Variants in ZBTB1 observed in about 807,000 individuals in gnomAD.
ZBTB1 encodes the protein zinc finger and BTB domain-containing protein 1.
In ZBTB1, 13 loss-of-function variants were observed where a neutral mutation model predicts 51.6. That is an observed-to-expected ratio of 0.25 (90% CI 0.16 to 0.40). ZBTB1 has a LOEUF of 0.40. ZBTB1 is among the 10% of genes least tolerant of loss of function. The pLI is 1.00. For synonymous variants in ZBTB1, 240 were observed against 282.2 expected (o/e 0.85, Z 1.50); for missense variants, 567 against 856.5 (o/e 0.66, Z 4.22).
intron 1 of ZBTB1, among the ~76,000 whole-genome samples, chr14:64,509,541 T>C (rs2079701553): frequency 6.6e-6 from 1 of 152,224 alleles, no homozygotes; most frequent in Non-Finnish European, 1.5e-5. Flanking sequence ...AGAATGAACA[T>C]GCATTTTATG....
chr14:64,504,765 C>T (rs1049183871), upstream of ZBTB1: 1 of 377,996 alleles, frequency 2.6e-6, no homozygotes, highest in Non-Finnish European at 4.7e-6. Context: ...CAGCGGAAGT[C>T]CTTTGTTGCA....
rs2079871618 is a variant in ZBTB1 at position 64,522,622 on chromosome 14, A to G, written c.1118A>G (p.Tyr373Cys). The G allele has an allele frequency of 2.5e-6, 4 of 1,614,096 alleles. No homozygotes were observed. Among genetic ancestry groups the G allele is most frequent in the South Asian group, 2.2e-5 (2 of 91,084 alleles). ...CCTGAAGAGCCATTTTATAGATACT[A>G]TGTTGAAGAAGATGTCAGCATAAAA... The part of the protein sequence containing the change: ...DEPEEPFYRY[Y>C]VEEDVSIKKS... Residue 373 changes from tyrosine to cysteine, a missense_variant, in exon 2 of 2, where the codon TAT (tyrosine) becomes TGT (cysteine). Physicochemically the swap from Tyr to Cys is radical, Grantham distance 194. Transcript: ENST00000683701.
chr14:64,517,852 C>T (rs561279393), intron 1 of ZBTB1, among the ~76,000 whole-genome samples: 207 of 137,182 alleles, frequency 1.5e-3, no homozygotes, highest in African/African-American at 5.3e-3. Flanking sequence ...GGCATGATCT[C>T]GACTCACTGC....
downstream of ZBTB1, among the ~76,000 whole-genome samples, chr14:64,528,404 C>G (rs1280041363): frequency 1.4e-5 from 2 of 139,762 alleles, no homozygotes; most frequent in Admixed American, 1.5e-4. Flanking sequence ...CTCAACTTTC[C>G]TTACTACTCC....
At chr14:64,510,110 G>T (rs1343874114) in intron 1 of ZBTB1, among the ~76,000 whole-genome samples, 1 of 152,124 alleles carries the variant, frequency 6.6e-6, no homozygotes, top group Non-Finnish European at 1.5e-5. Flanking sequence ...CCAGAGAAAT[G>T]AAAAAGCCAA....
chr14:64,518,562 T>C (rs1051210284), intron 1 of ZBTB1: 2 of 152,088 alleles, frequency 1.3e-5, no homozygotes, highest in African/African-American at 2.4e-5. Context: ...AAAAAGCAAA[T>C]AGAAGTACGT....
chr14:64,513,135 G>T (rs79973115), intron 1 of ZBTB1, among the ~76,000 whole-genome samples: 1 of 151,728 alleles, frequency 6.6e-6, no homozygotes, highest in Admixed American at 6.6e-5. Context: ...CCTATATATG[G>T]ATACATACAC....
chr14:64,527,906 A>G (rs554929228), downstream of ZBTB1, among the ~76,000 whole-genome samples: 2 of 152,344 alleles, frequency 1.3e-5, no homozygotes, highest in Admixed American at 1.3e-4. Flanking sequence ...TAATATGACT[A>G]TAATTATAGA....
chr14:64,505,089 C>G (rs959667547), intron 1 of ZBTB1, 143 bp downstream of exon 1: 15 of 357,876 alleles, frequency 4.2e-5, no homozygotes, highest in Non-Finnish European at 7.0e-5. Context: ...GCTGCGAGGA[C>G]CCGGTGACGG....
downstream of ZBTB1, among the ~76,000 whole-genome samples, chr14:64,525,964 C>A (rs868356425): frequency 2.6e-5 from 4 of 152,200 alleles, no homozygotes; most frequent in South Asian, 8.3e-4. Flanking sequence ...GGATTACAGG[C>A]GCATGCCACC....
At chr14:64,508,687 G>A (rs369384236) in intron 1 of ZBTB1, among the ~76,000 whole-genome samples, 10 of 152,302 alleles carry the variant, frequency 6.6e-5, no homozygotes, top group African/African-American at 2.2e-4. Flanking sequence ...CTATCTCAGG[G>A]TGGTTGTGAG....
intron 1 of ZBTB1, among the ~76,000 whole-genome samples, chr14:64,508,442 G>C (rs1405795760): frequency 6.6e-6 from 1 of 152,178 alleles, no homozygotes; most frequent in Non-Finnish European, 1.5e-5. Flanking sequence ...GGAGCAGTAA[G>C]AGAATGATGA....
intron 2 of ZBTB1, among the ~76,000 whole-genome samples, chr14:64,531,054 G>A (rs1283719906): frequency 1.3e-5 from 2 of 152,016 alleles, no homozygotes; most frequent in Non-Finnish European, 2.9e-5. Flanking sequence ...TCCTATTTGA[G>A]GAAGGAACAG....
At position 64,524,609 on chromosome 14, in the gene ZBTB1, A is replaced by G. The variant is rs1432263565; in HGVS notation, c.*963A>G. 3.1e-6 allele frequency: 3 copies of G among 982,440 alleles called. No individual in the cohort carries two copies. The highest frequency in any genetic ancestry group is 1.7e-5 in the African/African-American group (1 of 57,166). The allele number at this position is 982,440 out of a possible 1,614,324, so 60.9% of individuals were successfully genotyped here. Reference sequence around the variant, plus strand: ...GAGATTTGAGAAAGCTTCCATGTATATTGATAAATCTAATAAAATAAAGAG... The same window carrying G: ...GAGATTTGAGAAAGCTTCCATGTATGTTGATAAATCTAATAAAATAAAGAG... On this transcript the variant is annotated 3_prime_UTR_variant, in exon 2 of 2. Coordinates refer to ENST00000683701, the MANE Select transcript of ZBTB1 (RefSeq NM_001123329.2).
At position 64,523,948 on chromosome 14, in the gene ZBTB1, C is replaced by A; in HGVS notation, c.*302C>A. 9.6e-7 allele frequency: 1 copy of A among 1,043,044 alleles called. No individual in the cohort carries two copies. The highest frequency in any genetic ancestry group is 1.2e-6 in the Non-Finnish European group (1 of 860,276). The allele number at this position is 1,043,044 out of a possible 1,614,324, so 64.6% of individuals were successfully genotyped here. ...CAATGACTATTAAACTTTAGTTTTT[C>A]ATCAATAAGGTGATGACTTCACTAT... On this transcript the variant is annotated 3_prime_UTR_variant, in exon 2 of 2. Transcript: ENST00000683701. The surrounding 1 kb of genome is among the most constrained non-coding windows in gnomAD (Gnocchi z 4.5).
intron 1 of ZBTB1, among the ~76,000 whole-genome samples, chr14:64,516,371 T>C (rs2079786227): frequency 6.6e-6 from 1 of 152,246 alleles, no homozygotes. Context: ...GTGCCTAAAA[T>C]CAGTTTTACT....
At chr14:64,515,615 A>G (rs4902287) in intron 1 of ZBTB1, among the ~76,000 whole-genome samples, 124,064 of 151,118 alleles carry the variant, frequency 0.82, 51,021 homozygotes, top group East Asian at 0.89. Flanking sequence ...CCGCCTCCCG[A>G]GTTCCCGCCA....
chr14:64,518,053 T>C (rs2079814327), intron 1 of ZBTB1, among the ~76,000 whole-genome samples: 1 of 151,990 alleles, frequency 6.6e-6, no homozygotes, highest in South Asian at 2.1e-4. Context: ...GCCAGGCTGA[T>C]CTTGAACTCC....
chr14:64,531,988 C>T, exon 3 of ZBTB1: 1 of 1,469,700 alleles, frequency 6.8e-7, no homozygotes, highest in Non-Finnish European at 9.2e-7. Context: ...TCTGAAGTGG[C>T]ACCATCTTTT....
Sources: gnomAD v4.1 joint callset for allele counts (sites outside exome capture counted in the v4.1 genomes callset) on GRCh38, gnomAD v4.1.1 for gene constraint, Gnocchi (gnomAD v3.1) non-coding constraint, MANE v1.5 for transcripts, NCBI Gene and HGNC (gene_info 2026-07-23, HGNC 2026-07-21) for gene names.